The following PISD variants were observed in gnomAD, a reference collection of about 807,000 sequenced individuals.
PISD encodes the protein phosphatidylserine decarboxylase, also known as phosphatidylserine decarboxylase proenzyme, mitochondrial.
PISD carries 31 observed loss-of-function variants against 43.5 expected under a neutral mutation model. The observed-to-expected ratio is 0.71, with a 90% CI of 0.54 to 0.96. The LOEUF is 0.96. Among genes scored for constraint, PISD ranks in the 40% least tolerant of loss-of-function variants. The pLI is 0.00. For synonymous variants in PISD, 259 were observed against 228.7 expected (o/e 1.13, Z -1.20); for missense variants, 523 against 548.4 (o/e 0.95, Z 0.46).
intron 3 of PISD, among the ~76,000 whole-genome samples, chr22:31,632,539 GTGTTCTC>G (rs945000148): frequency 6.6e-6 from 1 of 152,156 alleles, no homozygotes; most frequent in Non-Finnish European, 1.5e-5. Context: ...GTCTGCATGG[GTGTTCTC>G]TGAGTACCCT....
At chr22:31,646,638 G>A (rs2073894892) in intron 3 of PISD, among the ~76,000 whole-genome samples, 1 of 152,138 alleles carries the variant, frequency 6.6e-6, no homozygotes, top group Non-Finnish European at 1.5e-5. Context: ...AAATCCCCAA[G>A]GTCAGAAAGA....
chr22:31,635,120 C>T (rs765437798), intron 3 of PISD, among the ~76,000 whole-genome samples: 2 of 152,026 alleles, frequency 1.3e-5, no homozygotes, highest in African/African-American at 4.8e-5. Flanking sequence ...GAATTGAGAT[C>T]GTGCCATTGC....
chr22:31,656,784 C>T (rs960959832), intron 1 of PISD, among the ~76,000 whole-genome samples: 1 of 152,074 alleles, frequency 6.6e-6, no homozygotes, highest in East Asian at 1.9e-4. Context: ...GCTCCTTGTC[C>T]ACACCACATG....
intron 3 of PISD, chr22:31,625,995 G>C (rs913280901): frequency 1.8e-5 from 26 of 1,452,586 alleles, no homozygotes; most frequent in African/African-American, 2.9e-5. Context: ...TGGCTCACAG[G>C]GTGCAGAATA....
intron 4 of PISD, 34 bp downstream of exon 4, chr22:31,621,615 C>T (rs1269046954): frequency 6.2e-7 from 1 of 1,605,258 alleles, no homozygotes; most frequent in Non-Finnish European, 8.5e-7. Flanking sequence ...GGAAAAAGTC[C>T]TGTTTCCTGC....
chr22:31,638,489 C>T (rs9306268), intron 3 of PISD: 94,409 of 985,230 alleles, frequency 0.096, 4,690 homozygotes, highest in South Asian at 0.16. Context: ...GAGGGAGAAA[C>T]GCTTGTTGGC....
intron 3 of PISD, among the ~76,000 whole-genome samples, chr22:31,645,749 C>A (rs2073867050): frequency 2.7e-5 from 4 of 147,918 alleles, no homozygotes; most frequent in African/African-American, 9.9e-5. Flanking sequence ...ATCCCATCTA[C>A]TGGGAAGGCT....
intron 3 of PISD, chr22:31,625,940 G>A (rs554228066): frequency 4.6e-5 from 69 of 1,500,792 alleles, no homozygotes; most frequent in East Asian, 1.2e-4. Context: ...CTGCCTCTGC[G>A]AGGCTGGTTG....
Position 31,637,137 on chromosome 22 carries a change from AT to A in PISD, c.321+10963del, listed in dbSNP as rs1569487000. On this transcript the variant is annotated intron_variant, in intron 3 of 7. Transcript: ENST00000439502. The stretch of plus-strand genomic sequence containing the variant: ...ACTCTACAAAAAAAAATAATAATAA[AT>A]AAATTAAAAAAAAAAAAAAAAAAAA... Among the ~76,000 whole-genome samples the A allele has an allele frequency of 6.9e-4, 44 of 63,914 alleles. 2 individuals are homozygous for A. The highest frequency in any genetic ancestry group is 2.4e-3 in the African/African-American group (41 of 16,958). The allele number at this position is 63,914 out of a possible 152,430, so 41.9% of individuals were successfully genotyped here. A position where few individuals can be genotyped will look rare whatever the true frequency, so the allele number is the denominator to read the frequency against.
chr22:31,633,883 A>G (rs1467379085), intron 3 of PISD, among the ~76,000 whole-genome samples: 4 of 152,088 alleles, frequency 2.6e-5, no homozygotes, highest in Admixed American at 2.0e-4. Context: ...TCCATTAGGG[A>G]AAAAAAATTG....
intron 1 of PISD, among the ~76,000 whole-genome samples, chr22:31,653,029 A>C (rs2074071359): frequency 7.2e-6 from 1 of 138,786 alleles, no homozygotes; most frequent in African/African-American, 2.7e-5. Context: ...ACAGAGTAGG[A>C]CCCTACCTTA....
intron 3 of PISD, among the ~76,000 whole-genome samples, chr22:31,626,689 G>A (rs779914008): frequency 6.6e-6 from 1 of 152,184 alleles, no homozygotes; most frequent in Non-Finnish European, 1.5e-5. Flanking sequence ...AAGCACTTTG[G>A]CCAGGGCCCC....
At chr22:31,627,451 A>G (rs1040886620) in intron 3 of PISD, among the ~76,000 whole-genome samples, 2 of 152,232 alleles carry the variant, frequency 1.3e-5, no homozygotes, top group South Asian at 2.1e-4. Context: ...CAACATACTG[A>G]GCAAACGCCC....
chr22:31,623,623 A>G, intron 3 of PISD: 1 of 1,503,932 alleles, frequency 6.6e-7, no homozygotes, highest in Non-Finnish European at 9.0e-7. Flanking sequence ...TCTCTCCTGC[A>G]CCCCAACCTC....
rs990765178 is a variant in PISD at position 31,630,049 on chromosome 22, AGC to A, written c.322-8166_322-8165del. ...CTCAGCTGAGGCCTGGCCACCATGC[AGC>A]GGCGTGCGTCTAGTGGGGCGACAAC... On this transcript the variant is annotated intron_variant, in intron 3 of 7. Transcript: ENST00000439502. This position sits in a 1 kb window ranked among gnomAD's most constrained non-coding sequence, Gnocchi z 4.4. The A allele has an allele frequency of 2.6e-5, 4 of 152,160 alleles. No homozygotes were observed. The highest frequency in any genetic ancestry group is 4.8e-5 in the African/African-American group (2 of 41,364). 9.4% of individuals were successfully genotyped at this position (152,160 alleles called of 1,614,324 possible). A position where few individuals can be genotyped will look rare whatever the true frequency, so the allele number is the denominator to read the frequency against.
intron 3 of PISD, among the ~76,000 whole-genome samples, chr22:31,631,080 G>C (rs370542279): frequency 6.6e-6 from 1 of 152,218 alleles, no homozygotes; most frequent in African/African-American, 2.4e-5. Flanking sequence ...TCACTGTCAC[G>C]GGAGGACCCC....
Position 31,621,467 on chromosome 22 carries a change from G to A in PISD, c.564C>T (p.Ser188=). ...AGTTGAGGATCCTTCCATCCGATGG[G>A]CTAATCTGGAAGGGCAGGAGAGGCT... The part of the protein sequence containing the change: ...RPVCGLHSVI[S]PSDGRILNFG... Residue 188 remains serine (S), a synonymous_variant, in exon 5 of 8, where the codon AGC becomes AGT. Coordinates refer to ENST00000439502, the MANE Select transcript of PISD (RefSeq NM_001326411.2). The A allele has an allele frequency of 1.9e-6, 3 of 1,614,084 alleles. No homozygotes were observed. The highest frequency in any genetic ancestry group is 2.7e-5 in the African/African-American group (2 of 75,038).
At position 31,630,576 on chromosome 22, in the gene PISD, G is replaced by A. The variant is rs1044953106; in HGVS notation, c.322-8691C>T. The A allele has an allele frequency of 1.8e-5, 5 of 272,536 alleles. No homozygotes were observed. The highest frequency in any genetic ancestry group is 4.6e-5 in the African/African-American group (2 of 43,666). 16.9% of individuals were successfully genotyped at this position (272,536 alleles called of 1,614,324 possible). ...GAAGTGAGCTCACGCAGCCCGGGCC[G>A]TGCCCACGTGGGGACGGAAAAAAAG... On this transcript the variant is annotated intron_variant, in intron 3 of 7. Coordinates refer to ENST00000439502, the MANE Select transcript of PISD (RefSeq NM_001326411.2). This position sits in a 1 kb window ranked among gnomAD's most constrained non-coding sequence, Gnocchi z 4.4.
intron 3 of PISD, chr22:31,628,005 GCCAGTGAGC>G (rs565249724): frequency 1.1e-5 from 11 of 984,854 alleles, no homozygotes; most frequent in Non-Finnish European, 1.2e-5. Context: ...CACCGCACCT[GCCAGTGAGC>G]CCAGTGAGGG....
Sources: allele counts gnomAD v4.1 joint callset (sites outside exome capture counted in the v4.1 genomes callset), GRCh38; gene constraint gnomAD v4.1.1; non-coding constraint Gnocchi (gnomAD v3.1); transcripts MANE v1.5; gene names NCBI Gene and HGNC (gene_info 2026-07-23, HGNC 2026-07-21).